PROM2: variants seen among roughly 807,000 people sequenced by gnomAD.
PROM2 encodes prominin-2.
In PROM2, 90 loss-of-function variants were observed where a neutral mutation model predicts 110.2. The observed-to-expected ratio is 0.82, with a 90% CI of 0.69 to 0.97. The LOEUF (loss-of-function observed/expected upper bound fraction) is 0.97, where lower values mean the gene tolerates loss of function less well. Ranked by LOEUF, PROM2 falls within the 50% of genes least tolerant of loss-of-function variation. The probability of loss-of-function intolerance (pLI) is 0.00; values close to 1 mark genes in which losing one functional copy is unlikely to be tolerated. For missense variants in PROM2, 1,009 were observed against 1,074.8 expected (o/e 0.94, Z 0.86); for synonymous variants, 470 against 467.8 (o/e 1.00, Z -0.06).
chr2:95,282,096 C>T (rs191300760), intron 13 of PROM2, 46 bp from the exon 14 acceptor site: 20 of 1,608,288 alleles, frequency 1.2e-5, no homozygotes, highest in Middle Eastern at 3.3e-4. Context: ...ATCAGCCCCC[C>T]CGCCACCCCC....
chr2:95,285,547 A>G, intron 15 of PROM2, 92 bp from the exon 16 acceptor site: 1 of 1,047,600 alleles, frequency 9.5e-7, no homozygotes. Context: ...GTTATATTTG[A>G]TAAGACTGGG....
rs867824003 is a variant in PROM2 at position 95,277,659 on chromosome 2, A to G, written c.975+93A>G. On this transcript the variant is annotated intron_variant, in intron 7 of 23. Coordinates refer to ENST00000317620, the MANE Select transcript of PROM2 (RefSeq NM_001165978.3). ...GCAAATTCCCAGTCCCCTTGCCCCAATGTTCCTCCCTTGCTCCACCCACCC... is the reference window on the plus strand; with the variant it reads ...GCAAATTCCCAGTCCCCTTGCCCCAGTGTTCCTCCCTTGCTCCACCCACCC... The G allele has an allele frequency of 4.8e-4, 618 of 1,277,958 alleles. 2 individuals are homozygous for G. Among genetic ancestry groups the G allele is most frequent in the Middle Eastern group, 3.6e-3 (13 of 3,606 alleles). 79.2% of individuals were successfully genotyped at this position (1,277,958 alleles called of 1,614,324 possible).
chr2:95,278,889 C>T, intron 9 of PROM2, 96 bp from the exon 10 acceptor site: 7 of 1,604,446 alleles, frequency 4.4e-6, no homozygotes, highest in Non-Finnish European at 6.0e-6. Context: ...GACTGTCTTC[C>T]CTCTGTGGTT....
Position 95,288,276 on chromosome 2 carries a change from G to A in PROM2, c.2310G>A (p.Leu770=), listed in dbSNP as rs1214574980. ...CCCTGGACAACAGCCGTGTGATCCT[G>A]TGTGACATGATGGCTGACCCCTGGG... The part of the protein sequence containing the change: ...SGALDNSRVI[L]CDMMADPWNA... The change falls in exon 21 of 24, where the codon CTG becomes CTA. Residue 770 remains leucine (L), a synonymous_variant. Transcript: ENST00000317620. 4.3e-6 allele frequency: 7 copies of A among 1,614,124 alleles called. No individual in the cohort carries two copies. In the Admixed American group the frequency reaches 1.0e-4, roughly 23 times the overall value.
rs77606216 is a variant in PROM2, at chr2:95,279,813, T to C, written c.1275-32T>C. 8.7e-3 allele frequency: 12,112 copies of C among 1,386,526 alleles called. 82 individuals carry two copies. The highest frequency in any genetic ancestry group is 0.04 in the Middle Eastern group (202 of 5,048). 85.9% of individuals were successfully genotyped at this position (1,386,526 alleles called of 1,614,324 possible). ...CCATGTTGGTGCCAGCCACCTCCTT[T>C]CTTAGTGACACCCATGTCCTCTCTG... On this transcript the variant is annotated intron_variant, in intron 10 of 23. Coordinates refer to ENST00000317620, the MANE Select transcript of PROM2 (RefSeq NM_001165978.3).
At chr2:95,289,136 T>C in intron 23 of PROM2, 88 bp from the exon 24 acceptor site, 1 of 742,802 alleles carries the variant, frequency 1.3e-6, no homozygotes, top group Admixed American at 2.1e-5. Flanking sequence ...GGAGTCTGGG[T>C]ATTGGGTGTG....
intron 23 of PROM2, 84 bp from the exon 24 acceptor site, chr2:95,289,140 G>T (rs1284206803): frequency 9.8e-6 from 7 of 712,346 alleles, no homozygotes; most frequent in East Asian, 2.7e-5. Flanking sequence ...TCTGGGTATT[G>T]GGTGTGGCCC....
chr2:95,283,088 C>T (rs1310410490), intron 14 of PROM2, among the ~76,000 whole-genome samples: 1 of 152,244 alleles, frequency 6.6e-6, no homozygotes. Flanking sequence ...AGTTATGCAG[C>T]TCACTCCTCC....
rs540536331 is a variant in PROM2, at chr2:95,279,769, C to T, written c.1275-76C>T. 161 of 1,262,322 alleles carry T rather than the reference C, an allele frequency of 1.3e-4. 1 individual carries two copies. In the South Asian group the frequency reaches 3.4e-3, roughly 27 times the overall value. The allele number at this position is 1,262,322 out of a possible 1,614,324, so 78.2% of individuals were successfully genotyped here. On this transcript the variant is annotated intron_variant, in intron 10 of 23. Transcript: ENST00000317620. The stretch of plus-strand genomic sequence containing the variant: ...CTTGGGGTTAGAGGCCACACCCGGT[C>T]GCCACGTCCCGCACCTGTCCATGTT...
At chr2:95,277,162 C>G in intron 6 of PROM2, 101 bp downstream of exon 6, 1 of 1,216,826 alleles carries the variant, frequency 8.2e-7, no homozygotes, top group Non-Finnish European at 1.1e-6. Context: ...CCACCTCTGC[C>G]CCACCTGTGA....
intron 8 of PROM2, chr2:95,278,358 G>A (rs1573448736): frequency 1.9e-6 from 1 of 526,622 alleles, no homozygotes; most frequent in East Asian, 3.3e-5. Flanking sequence ...TGATGAGTCA[G>A]CCATGCTGGG....
chr2:95,287,593 T>C, intron 20 of PROM2, 129 bp downstream of exon 20: 3 of 856,650 alleles, frequency 3.5e-6, no homozygotes, highest in Non-Finnish European at 5.4e-6. Flanking sequence ...AAACCCAAAC[T>C]CCCAAACCTG....
Position 95,276,528 on chromosome 2 carries a change from G to A in PROM2, c.619-66G>A. 1.2e-6 allele frequency: 2 copies of A among 1,610,572 alleles called. No homozygotes were observed. The highest frequency in any genetic ancestry group is 3.3e-5 in the Admixed American group (2 of 60,024). On this transcript the variant is annotated intron_variant, in intron 4 of 23. Coordinates refer to ENST00000317620, the MANE Select transcript of PROM2 (RefSeq NM_001165978.3). This position sits in a 1 kb window ranked among gnomAD's most constrained non-coding sequence, Gnocchi z 4.6. ...GCCATAGGGGCAGGGAAGGGGCCAG[G>A]GAGAGAAGGGCGTAAGGACTGTGGG...
chr2:95,282,221 A>G lies in PROM2; in HGVS notation c.1723A>G (p.Asn575Asp). 6.2e-7 allele frequency: 1 copy of G among 1,610,012 alleles called. No homozygotes were observed. The highest frequency in any genetic ancestry group is 8.5e-7 in the Non-Finnish European group (1 of 1,176,844). Residue 575 changes from asparagine to aspartate, a missense_variant, in exon 14 of 24, where the codon AAC becomes GAC. Physicochemically the swap from Asn to Asp is conservative, Grantham distance 23. Transcript: ENST00000317620. Reference protein sequence around the residue: ...SYDLEEHLDINQYTNKLRQEL... With the variant: ...SYDLEEHLDIDQYTNKLRQEL... ...CGACCTGGAGGAGCACCTGGATATC[A>G]ACCAGGTGAGAGAACGTTTTGGAAA... is the stretch of plus-strand genomic sequence containing the variant.
chr2:95,286,700 C>A, intron 17 of PROM2, 104 bp from the exon 18 acceptor site: 1 of 724,370 alleles, frequency 1.4e-6, no homozygotes, highest in South Asian at 1.7e-5. Context: ...CCTCCTCTCC[C>A]CTCCTCTCCC....
Position 95,279,969 on chromosome 2 carries a change from G to T in PROM2, c.1399G>T (p.Gly467Cys). ...RDDPSHPEAK[G>C]EAGARFLMAG... is the part of the protein sequence containing the mutation. ...CGACCCCAGCCACCCAGAAGCCAAGGGCGAGGCTGGAGCCCGCTTCCTCAT... is the reference window on the plus strand; with the variant it reads ...CGACCCCAGCCACCCAGAAGCCAAGTGCGAGGCTGGAGCCCGCTTCCTCAT... The change falls in exon 11 of 24, where the codon GGC (glycine) becomes TGC (cysteine). Residue 467 changes from glycine (G) to cysteine (C), a missense_variant. Coordinates refer to ENST00000317620, the MANE Select transcript of PROM2 (RefSeq NM_001165978.3). 1 of 1,484,272 alleles carries T rather than the reference G, an allele frequency of 6.7e-7. No individual in the cohort carries two copies. 91.9% of individuals were successfully genotyped at this position (1,484,272 alleles called of 1,614,324 possible).
intron 16 of PROM2, 108 bp downstream of exon 16, chr2:95,285,818 A>G (rs544483685): frequency 1.4e-5 from 15 of 1,059,238 alleles, no homozygotes; most frequent in East Asian, 7.8e-5. Context: ...GAGGACCCCC[A>G]CCAGTGAGGC....
chr2:95,277,949 T>G lies in PROM2; in HGVS notation c.995T>G (p.Val332Gly). ...DFSQVPSVDH[V>G]LHQLKGVPEA... ...TTTCAGGTGCCCTCTGTGGACCATG[T>G]CCTGCACCAGCTAAAAGGTGTCCCC... Residue 332 changes from valine to glycine, a missense_variant, in exon 8 of 24, where the codon GTC (valine) becomes GGC (glycine). Coordinates refer to ENST00000317620, the MANE Select transcript of PROM2 (RefSeq NM_001165978.3). 1 of 1,612,602 alleles carries G rather than the reference T, an allele frequency of 6.2e-7. No homozygotes were observed. Among genetic ancestry groups the G allele is most frequent in the Non-Finnish European group, 8.5e-7 (1 of 1,179,582 alleles).
chr2:95,284,507 A>T (rs1375105932), intron 14 of PROM2, among the ~76,000 whole-genome samples: 2 of 152,250 alleles, frequency 1.3e-5, no homozygotes, highest in Admixed American at 1.3e-4. Flanking sequence ...CAACCAAAAA[A>T]AAAAAAGCAA....
Sources: gnomAD v4.1 joint callset for allele counts (sites outside exome capture counted in the v4.1 genomes callset) on GRCh38, gnomAD v4.1.1 for gene constraint, Gnocchi (gnomAD v3.1) non-coding constraint, MANE v1.5 for transcripts, NCBI Gene and HGNC (gene_info 2026-07-23, HGNC 2026-07-21) for gene names.